Variants in PALS2 observed in about 807,000 individuals in gnomAD.
PALS2 encodes the protein protein associated with LIN7 2, MAGUK p55 family member.
In PALS2, 27 loss-of-function variants were observed where a neutral mutation model predicts 61.6. That is an observed-to-expected ratio of 0.44 (90% CI 0.32 to 0.60). The LOEUF (loss-of-function observed/expected upper bound fraction) is 0.60, where lower values mean the gene tolerates loss of function less well. PALS2 is among the 20% of genes least tolerant of loss of function. PALS2 has a pLI of 0.05. For synonymous variants in PALS2, 236 were observed against 218.6 expected (o/e 1.08, Z -0.70); for missense variants, 554 against 639.4 (o/e 0.87, Z 1.44).
intron 1 of PALS2, among the ~76,000 whole-genome samples, chr7:24,623,456 T>G (rs1373454696): frequency 6.6e-6 from 1 of 152,126 alleles, no homozygotes; most frequent in African/African-American, 2.4e-5. Context: ...AAATTACATA[T>G]AAAAATCTAT....
intron 3 of PALS2, among the ~76,000 whole-genome samples, chr7:24,643,298 C>T (rs1351619824): frequency 6.6e-6 from 1 of 152,050 alleles, no homozygotes. Flanking sequence ...TAAGCACATA[C>T]ATTATATGAA....
At chr7:24,633,985 G>T (rs1785124427) in intron 2 of PALS2, among the ~76,000 whole-genome samples, 1 of 152,100 alleles carries the variant, frequency 6.6e-6, no homozygotes, top group Admixed American at 6.6e-5. Context: ...ATGATATTGA[G>T]CATCTTTTCA....
intron 1 of PALS2, among the ~76,000 whole-genome samples, chr7:24,590,184 G>C (rs1057342834): frequency 6.6e-6 from 1 of 152,122 alleles, no homozygotes; most frequent in Non-Finnish European, 1.5e-5. Context: ...CACTTGGGAG[G>C]AACTGTGCTT....
intron 1 of PALS2, among the ~76,000 whole-genome samples, chr7:24,588,545 G>C (rs1424790253): frequency 6.6e-6 from 1 of 151,976 alleles, no homozygotes; most frequent in African/African-American, 2.4e-5. Context: ...CTTGAGTCCA[G>C]ATTTTTTTCA....
chr7:24,643,856 G>T (rs1785689165), intron 3 of PALS2, among the ~76,000 whole-genome samples: 1 of 152,098 alleles, frequency 6.6e-6, no homozygotes, highest in African/African-American at 2.4e-5. Flanking sequence ...CATCTTAAGT[G>T]ATACGATGCA....
chr7:24,637,241 G>T (rs963951221), intron 2 of PALS2, among the ~76,000 whole-genome samples: 1 of 145,796 alleles, frequency 6.9e-6, no homozygotes. Context: ...GGCAATTTCT[G>T]ATATGTTCTT....
chr7:24,646,994 C>T (rs1023145200), intron 3 of PALS2, among the ~76,000 whole-genome samples: 9 of 151,824 alleles, frequency 5.9e-5, no homozygotes, highest in Non-Finnish European at 1.5e-5. Flanking sequence ...TCAGTAGTAA[C>T]ATTCCCTTCA....
At chr7:24,598,569 A>G (rs1008672563) in intron 1 of PALS2, among the ~76,000 whole-genome samples, 3 of 152,336 alleles carry the variant, frequency 2.0e-5, no homozygotes, top group East Asian at 3.9e-4. Flanking sequence ...TCTTTCATAT[A>G]AGAAATGTGA....
chr7:24,579,513 C>T (rs533205920), intron 1 of PALS2, among the ~76,000 whole-genome samples: 54 of 152,266 alleles, frequency 3.5e-4, no homozygotes, highest in African/African-American at 1.1e-3. Flanking sequence ...CTTCCTCCCC[C>T]AAAAAGAGAT....
intron 5 of PALS2, among the ~76,000 whole-genome samples, chr7:24,656,474 C>T (rs561628924): frequency 6.6e-6 from 1 of 152,082 alleles, no homozygotes; most frequent in African/African-American, 2.4e-5. Context: ...CCCATGAAGT[C>T]AACACAATTG....
chr7:24,647,567 A>C (rs916528105), intron 3 of PALS2, among the ~76,000 whole-genome samples: 1 of 152,142 alleles, frequency 6.6e-6, no homozygotes, highest in African/African-American at 2.4e-5. Context: ...TTTTCATTAG[A>C]GGTTGCAAAA....
chr7:24,645,903 A>T (rs1785807977), intron 3 of PALS2, among the ~76,000 whole-genome samples: 1 of 151,832 alleles, frequency 6.6e-6, no homozygotes, highest in Non-Finnish European at 1.5e-5. Context: ...TGCCTTTCTG[A>T]TTTGGCTCTT....
chr7:24,620,435 T>C (rs1270529905), intron 1 of PALS2, among the ~76,000 whole-genome samples: 2 of 152,212 alleles, frequency 1.3e-5, no homozygotes, highest in Non-Finnish European at 1.5e-5. Context: ...GAGATTTCTT[T>C]GCCAGGACAA....
intron 9 of PALS2, among the ~76,000 whole-genome samples, chr7:24,671,294 T>C (rs897391274): frequency 3.9e-5 from 6 of 152,232 alleles, no homozygotes; most frequent in African/African-American, 1.4e-4. Context: ...AAACAACTTT[T>C]CATGTACATA....
At chr7:24,619,493 G>A (rs532576375) in intron 1 of PALS2, among the ~76,000 whole-genome samples, 209 of 152,090 alleles carry the variant, frequency 1.4e-3, no homozygotes, top group Non-Finnish European at 2.3e-3. Context: ...CGAGGTGGGC[G>A]GATCAGGAGG....
chr7:24,648,911 GA>G (rs1226681572), intron 3 of PALS2, among the ~76,000 whole-genome samples: 25 of 139,172 alleles, frequency 1.8e-4, no homozygotes, highest in Middle Eastern at 3.6e-3. Flanking sequence ...TCTCAAAAAA[GA>G]AAAAAAAAAA....
chr7:24,646,671 T>C (rs1258895698), intron 3 of PALS2, among the ~76,000 whole-genome samples: 1 of 152,230 alleles, frequency 6.6e-6, no homozygotes, highest in African/African-American at 2.4e-5. Flanking sequence ...CCTCATAGAA[T>C]TAGTTGGGGA....
intron 3 of PALS2, among the ~76,000 whole-genome samples, chr7:24,645,520 C>A (rs1041742898): frequency 1.3e-5 from 2 of 152,070 alleles, no homozygotes; most frequent in African/African-American, 4.8e-5. Context: ...GTTACTGTAG[C>A]CTTGTAGTAT....
chr7:24,654,829 G>A (rs949497137), intron 5 of PALS2, among the ~76,000 whole-genome samples: 4 of 152,164 alleles, frequency 2.6e-5, no homozygotes, highest in African/African-American at 9.7e-5. Flanking sequence ...CATAGGAAGA[G>A]ACAGCATGAT....
Sources: allele counts gnomAD v4.1 joint callset (sites outside exome capture counted in the v4.1 genomes callset), GRCh38; gene constraint gnomAD v4.1.1; transcripts MANE v1.5; gene names NCBI Gene and HGNC (gene_info 2026-07-23, HGNC 2026-07-21).